Variants in CPLANE1 observed in about 807,000 individuals in gnomAD.
CPLANE1 encodes the protein ciliogenesis and planar polarity effector 1.
A neutral mutation model predicts 362.5 loss-of-function variants in CPLANE1; 263 were observed. The observed-to-expected ratio is 0.73, with a 90% CI of 0.66 to 0.80. The LOEUF (loss-of-function observed/expected upper bound fraction) is 0.80, where lower values mean the gene tolerates loss of function less well. Among genes scored for constraint, CPLANE1 ranks in the 30% least tolerant of loss-of-function variants. The pLI is 0.00. For missense variants in CPLANE1, 3,461 were observed against 3,793.4 expected (o/e 0.91, Z 2.30); for synonymous variants, 1,212 against 1,302.6 (o/e 0.93, Z 1.50).
Position 37,230,939 on chromosome 5 carries a change from A to G in CPLANE1, c.1049T>C (p.Leu350Ser). ...TTCTATAGAGCAACCAAATGTAATT[A>G]ATGTTAGCAATTCACCTTGGCAGGT... ...LLTCQGELLT[L>S]ITFGCSIEFG... Residue 350 changes from leucine to serine, a missense_variant, in exon 9 of 53, where the codon TTA becomes TCA. Leu to Ser is a moderately radical substitution (Grantham distance 145). Transcript: ENST00000651892. The G allele has an allele frequency of 6.4e-7, 1 of 1,550,898 alleles. No individual in the cohort carries two copies. The highest frequency in any genetic ancestry group is 2.4e-5 in the East Asian group (1 of 40,888).
rs370371943 is a variant in CPLANE1, at chr5:37,114,936, A to C, written c.9400+24T>G. 118 of 1,450,270 alleles carry C rather than the reference A, an allele frequency of 8.1e-5. No homozygotes were observed. The highest frequency in any genetic ancestry group is 1.1e-4 in the Non-Finnish European group (114 of 1,044,962). The allele number at this position is 1,450,270 out of a possible 1,614,324, so 89.8% of individuals were successfully genotyped here. ...AAGAAAATTCAGTATTAAGTCTAAA[A>C]ACTTTATCTTCTTTATCCCTTACCT... is the stretch of plus-strand genomic sequence containing the variant. On this transcript the variant is annotated intron_variant, in intron 51 of 52. Coordinates refer to ENST00000651892, the MANE Select transcript of CPLANE1 (RefSeq NM_001384732.1).
At chr5:37,245,068 C>T (rs1739079496) in intron 4 of CPLANE1, among the ~76,000 whole-genome samples, 1 of 151,540 alleles carries the variant, frequency 6.6e-6, no homozygotes, top group Admixed American at 6.6e-5. Context: ...AGGAGAATGG[C>T]GTGGACCCCG....
chr5:37,182,908 A>G lies in CPLANE1; in HGVS notation c.5273T>C (p.Leu1758Pro). Residue 1758 changes from leucine (L) to proline (P), a missense_variant, in exon 26 of 53, where the codon CTA becomes CCA. Physicochemically the swap from Leu to Pro is moderately conservative, Grantham distance 98. Transcript: ENST00000651892. ...EWMIRWSNRR[L>P]LCDSGITESS... ...CTCAGTTATACCAGAATCACAGAGT[A>G]GCCTTCTATTAGACCACCTTATCAT... is the stretch of plus-strand genomic sequence containing the variant. 1.9e-6 allele frequency: 3 copies of G among 1,607,292 alleles called. No individual in the cohort carries two copies. The highest frequency in any genetic ancestry group is 2.5e-6 in the Non-Finnish European group (3 of 1,177,654).
chr5:37,190,402 T>C (rs1785195750), intron 21 of CPLANE1, among the ~76,000 whole-genome samples: 1 of 149,240 alleles, frequency 6.7e-6, no homozygotes, highest in South Asian at 2.1e-4. Flanking sequence ...GCCCTGTCTT[T>C]ATGAAAAAAT....
intron 15 of CPLANE1, among the ~76,000 whole-genome samples, chr5:37,219,801 C>T (rs559481010): frequency 4.0e-5 from 6 of 151,576 alleles, no homozygotes; most frequent in Admixed American, 6.6e-5. Flanking sequence ...TATCCAGCTC[C>T]GGTAATATAT....
At chr5:37,108,255 G>A (rs1758099640) in intron 52 of CPLANE1, 38 bp downstream of exon 52, 1 of 1,554,136 alleles carries the variant, frequency 6.4e-7, no homozygotes, top group East Asian at 2.2e-5. Flanking sequence ...AGAACATAGA[G>A]CAATCACTAG....
In CPLANE1 at chr5:37,157,793, G is replaced by A. The variant is rs1775560974; in HGVS notation, c.7888C>T (p.Pro2630Ser). The change falls in exon 40 of 53, where the codon CCT (proline) becomes TCT (serine). Residue 2630 changes from proline to serine, a missense_variant. Pro to Ser is a moderately conservative substitution (Grantham distance 74). Around this residue, in one of 2 missense-constraint regions of CPLANE1, gnomAD observed 3,380 missense variants for 3,666.1 expected, o/e 0.92. Coordinates refer to ENST00000651892, the MANE Select transcript of CPLANE1 (RefSeq NM_001384732.1). ...LLQELPVREE[P>S]SNDNVIKQQS... ...TGTTTGATAACATTATCATTTGAAG[G>A]CTCTTCTCTCACAGGTAATTCCTGT... The A allele has an allele frequency of 6.2e-7, 1 of 1,613,252 alleles. No individual in the cohort carries two copies.
chr5:37,242,187 T>C (rs568281920), intron 6 of CPLANE1, among the ~76,000 whole-genome samples: 18 of 151,976 alleles, frequency 1.2e-4, no homozygotes, highest in African/African-American at 4.1e-4. Context: ...ACCCCGTCTC[T>C]ACTAAAAATA....
intron 15 of CPLANE1, 134 bp from the exon 16 acceptor site, chr5:37,213,866 G>A: frequency 3.6e-6 from 2 of 562,096 alleles, no homozygotes; most frequent in Non-Finnish European, 5.9e-6. Flanking sequence ...GCCAATACAA[G>A]CTGAATTATA....
intron 21 of CPLANE1, among the ~76,000 whole-genome samples, chr5:37,190,662 G>A (rs1223689686): frequency 3.3e-5 from 5 of 152,110 alleles, no homozygotes; most frequent in African/African-American, 1.2e-4. Flanking sequence ...TTAAACATGG[G>A]ATAGATAACA....
chr5:37,093,608 T>C, the CPLANE1 span, among the ~76,000 whole-genome samples: 1 of 152,220 alleles, frequency 6.6e-6, no homozygotes, highest in Middle Eastern at 3.2e-3. Context: ...GCAGAGAATG[T>C]TGCTAATTAT....
At chr5:37,172,722 A>C (rs1780128913) in intron 32 of CPLANE1, among the ~76,000 whole-genome samples, 1 of 152,240 alleles carries the variant, frequency 6.6e-6, no homozygotes, top group Non-Finnish European at 1.5e-5. Context: ...ACAGCGGCTC[A>C]CGCCTGTAAT....
In CPLANE1 at chr5:37,177,826, T is replaced by C. The variant is rs952453208; in HGVS notation, c.5821-126A>G. 5.6e-6 allele frequency: 4 copies of C among 718,374 alleles called. No homozygotes were observed. The African/African-American group carries it at 7.1e-5, about 13-fold the overall frequency. 44.5% of individuals were successfully genotyped at this position (718,374 alleles called of 1,614,324 possible). On this transcript the variant is annotated intron_variant, in intron 29 of 52. Transcript: ENST00000651892. ...CAACAGTCTACAAGCAAGTGAGAAATCAAACAGTAAAATGTACTCCCAGTC... is the reference window on the plus strand; with the variant it reads ...CAACAGTCTACAAGCAAGTGAGAAACCAAACAGTAAAATGTACTCCCAGTC...
intron 50 of CPLANE1, among the ~76,000 whole-genome samples, chr5:37,117,585 G>T (rs1285126432): frequency 6.6e-6 from 1 of 152,150 alleles, no homozygotes; most frequent in Admixed American, 6.6e-5. Flanking sequence ...AAGGTATAAA[G>T]GAGCACAAAT....
intron 49 of CPLANE1, 134 bp downstream of exon 49, chr5:37,121,483 A>T (rs748606873): frequency 2.6e-6 from 2 of 776,636 alleles, no homozygotes; most frequent in Non-Finnish European, 4.1e-6. Flanking sequence ...TTATGAGGCT[A>T]CTTTTTTCCT....
chr5:37,193,178 C>G (rs1420524551), intron 21 of CPLANE1, among the ~76,000 whole-genome samples: 1 of 148,836 alleles, frequency 6.7e-6, no homozygotes, highest in Non-Finnish European at 1.5e-5. Context: ...AAAAAAAAAA[C>G]GACAACAACA....
chr5:37,085,374 C>T, the CPLANE1 span: 3 of 1,345,180 alleles, frequency 2.2e-6, no homozygotes, highest in East Asian at 2.3e-5. Flanking sequence ...CACCAAGGGT[C>T]GCTTTGCTGT....
intron 51 of CPLANE1, 126 bp from the exon 52 acceptor site, chr5:37,108,597 G>T: frequency 1.1e-6 from 1 of 889,656 alleles, no homozygotes; most frequent in Non-Finnish European, 1.7e-6. Context: ...TGAATCACAA[G>T]GTCTGGAAAT....
intron 19 of CPLANE1, among the ~76,000 whole-genome samples, chr5:37,200,121 A>AT (rs1159777829): frequency 1.3e-5 from 2 of 152,222 alleles, no homozygotes; most frequent in Non-Finnish European, 2.9e-5. Context: ...CTTTGGTAAC[A>AT]TAACTAAATC....
Sources: allele counts gnomAD v4.1 joint callset (sites outside exome capture counted in the v4.1 genomes callset), GRCh38; gene constraint gnomAD v4.1.1; regional missense constraint gnomAD v4.1.1; transcripts MANE v1.5; gene names NCBI Gene and HGNC (gene_info 2026-07-23, HGNC 2026-07-21).